The following HSF5 variants were observed in gnomAD, a reference collection of about 807,000 sequenced individuals.
HSF5 encodes the protein heat shock transcription factor 5.
Under a neutral mutation model 50.8 loss-of-function variants are expected in HSF5, and 5 were observed. The observed-to-expected ratio is 0.10, with a 90% CI of 0.05 to 0.21. The LOEUF is 0.21. Among genes scored for constraint, HSF5 ranks in the 10% least tolerant of loss-of-function variants. The pLI, the probability that HSF5 is intolerant of heterozygous loss-of-function variation, is 1.00. For missense variants in HSF5, 564 were observed against 762.6 expected (o/e 0.74, Z 3.07); for synonymous variants, 307 against 307.4 (o/e 1.00, Z 0.02).
chr17:58,485,798 G>A (rs966900107), intron 1 of HSF5, among the ~76,000 whole-genome samples: 2 of 150,748 alleles, frequency 1.3e-5, no homozygotes, highest in African/African-American at 4.9e-5. Context: ...CATGTGAAGT[G>A]GCTCACACCT....
intron 1 of HSF5, among the ~76,000 whole-genome samples, chr17:58,485,515 G>C (rs1267446002): frequency 6.6e-6 from 1 of 152,014 alleles, no homozygotes; most frequent in East Asian, 2.0e-4. Context: ...CAGAGGCCAA[G>C]GTGGGCAGAT....
At chr17:58,466,660 T>C (rs899208288) in intron 3 of HSF5, among the ~76,000 whole-genome samples, 3 of 152,238 alleles carry the variant, frequency 2.0e-5, no homozygotes, top group African/African-American at 7.2e-5. Flanking sequence ...AATAGCCACA[T>C]GTGGCTAGTG....
rs781524958 is a variant in HSF5 at position 58,480,029 on chromosome 17, A to G, written c.789T>C (p.Thr263=). ...TGGGCTGCAGTGTATAGGTAACCTC[A>G]GTTGGAAACCTCTGGAGTACAGGAA... The part of the protein sequence containing the change: ...VPFPVLQRFP[T]EVTYTLQPST... Residue 263 remains threonine (T), a synonymous_variant, in exon 2 of 6, where the codon ACT becomes ACC. Transcript: ENST00000323777. 1.9e-6 allele frequency: 3 copies of G among 1,614,170 alleles called. No homozygotes were observed. The South Asian group carries it at 3.3e-5, about 18-fold the overall frequency.
rs59043902 is a variant in HSF5, at chr17:58,433,911, A to AT, written c.1721-11482dup. The stretch of plus-strand genomic sequence containing the variant: ...GAGGTATGAAGGAAAGGTCAAAGGG[A>AT]TTTTTTTTTTTTTTTTTTTTAGATG... On this transcript the variant is annotated intron_variant, in intron 5 of 5. Coordinates refer to ENST00000323777, the MANE Select transcript of HSF5 (RefSeq NM_001080439.3). Among the ~76,000 whole-genome samples, 360 of 109,334 alleles carry AT rather than the reference A, an allele frequency of 3.3e-3. 15 individuals carry two copies. In the East Asian group the frequency reaches 0.058, roughly 18 times the overall value. 71.7% of individuals were successfully genotyped at this position (109,334 alleles called of 152,430 possible). A position where few individuals can be genotyped will look rare whatever the true frequency, so the allele number is the denominator to read the frequency against.
At chr17:58,445,711 T>C (rs1055074094) in intron 5 of HSF5, among the ~76,000 whole-genome samples, 3 of 152,132 alleles carry the variant, frequency 2.0e-5, no homozygotes, top group Non-Finnish European at 4.4e-5. Flanking sequence ...TGGTGGTTAC[T>C]AGGAGCCAGG....
intron 5 of HSF5, among the ~76,000 whole-genome samples, chr17:58,455,198 C>G (rs1178132933): frequency 2.0e-5 from 3 of 152,054 alleles, no homozygotes; most frequent in Admixed American, 1.3e-4. Flanking sequence ...AACTGATTTT[C>G]AAAAGTTGCC....
intron 1 of HSF5, 47 bp downstream of exon 1, chr17:58,487,678 C>T (rs1975206054): frequency 7.4e-7 from 1 of 1,357,166 alleles, no homozygotes; most frequent in Non-Finnish European, 9.4e-7. Context: ...TGCTCCCCGC[C>T]GCCCATGTGC....
At chr17:58,476,091 T>G (rs1164994069) in intron 2 of HSF5, 4 of 734,028 alleles carry the variant, frequency 5.4e-6, no homozygotes, top group South Asian at 2.0e-5. Flanking sequence ...CTGGAGAAAA[T>G]TTTTAAAAAG....
At chr17:58,435,652 C>T (rs909461120) in intron 5 of HSF5, among the ~76,000 whole-genome samples, 4 of 152,058 alleles carry the variant, frequency 2.6e-5, no homozygotes, top group East Asian at 3.9e-4. Context: ...GTGGCTCATG[C>T]CTGTAATCCC....
rs561579690 is a variant in HSF5 at position 58,452,752 on chromosome 17, C to G, written c.1720+6016G>C. 1.7e-4 allele frequency among the ~76,000 whole-genome samples: 26 copies of G among 152,382 alleles called. No individual in the cohort carries two copies. The South Asian group carries it at 4.8e-3, about 28-fold the overall frequency. ...CGATGTGAGGAGCACCTCTGCCTGG[C>G]CTCCACGCCACCCTCCAGGTGTGAA... On this transcript the variant is annotated intron_variant, in intron 5 of 5. Coordinates refer to ENST00000323777, the MANE Select transcript of HSF5 (RefSeq NM_001080439.3).
chr17:58,427,797 A>C (rs1974314744), intron 5 of HSF5, among the ~76,000 whole-genome samples: 1 of 152,246 alleles, frequency 6.6e-6, no homozygotes, highest in Non-Finnish European at 1.5e-5. Context: ...TCTGCCCATC[A>C]ATGATCAGGG....
intron 5 of HSF5, among the ~76,000 whole-genome samples, chr17:58,431,118 C>A (rs760101349): frequency 1.3e-5 from 2 of 152,214 alleles, no homozygotes; most frequent in Non-Finnish European, 2.9e-5. Context: ...AAGCTCTCTT[C>A]TCTTGTCTGT....
At chr17:58,482,573 G>C (rs1248248351) in intron 1 of HSF5, among the ~76,000 whole-genome samples, 3 of 151,766 alleles carry the variant, frequency 2.0e-5, no homozygotes, top group Non-Finnish European at 2.9e-5. Flanking sequence ...GCTGGGCTTG[G>C]TGGCACACAC....
Position 58,462,766 on chromosome 17 carries a change from T to C in HSF5, c.1542+16A>G. 6.4e-7 allele frequency: 1 copy of C among 1,562,876 alleles called. No individual in the cohort carries two copies. Among genetic ancestry groups the C allele is most frequent in the Non-Finnish European group, 8.6e-7 (1 of 1,158,720 alleles). On this transcript the variant is annotated intron_variant, in intron 4 of 5. Transcript: ENST00000323777. Reference sequence around the variant, plus strand: ...TACTTTGAGCTTTATAAGCATTTTTTTCTTTGCCCCCTTACCTGGTGTGTG... The same window carrying C: ...TACTTTGAGCTTTATAAGCATTTTTCTCTTTGCCCCCTTACCTGGTGTGTG...
At chr17:58,422,475 G>A (rs1168779947) in intron 5 of HSF5, 45 bp from the exon 6 acceptor site, 9 of 1,494,616 alleles carry the variant, frequency 6.0e-6, no homozygotes, top group Non-Finnish European at 8.3e-6. Flanking sequence ...TCTCTGTAGA[G>A]TTCTATAGAC....
At chr17:58,452,913 T>C (rs962226681) in intron 5 of HSF5, among the ~76,000 whole-genome samples, 7 of 152,074 alleles carry the variant, frequency 4.6e-5, no homozygotes, top group African/African-American at 1.7e-4. Context: ...TGCATGCCTG[T>C]GGTCCCAGCT....
chr17:58,487,748 G>A lies in HSF5; in HGVS notation c.527C>T (p.Ala176Val). The A allele has an allele frequency of 7.2e-7, 1 of 1,381,382 alleles. No individual in the cohort carries two copies. The highest frequency in any genetic ancestry group is 9.3e-7 in the Non-Finnish European group (1 of 1,079,936). The allele number at this position is 1,381,382 out of a possible 1,614,324, so 85.6% of individuals were successfully genotyped here. ...ACCGTGCGGCTCGGGCCGGGGCCCCGCGGGCGGCGGCGGCTGCTGGTGCTG... is the reference window on the plus strand; with the variant it reads ...ACCGTGCGGCTCGGGCCGGGGCCCCACGGGCGGCGGCGGCTGCTGGTGCTG... ...PLQHQQPPPPAGPRPEPHGPV... is the reference protein window; with the variant it reads ...PLQHQQPPPPVGPRPEPHGPV... Residue 176 changes from alanine to valine, a missense_variant, in exon 1 of 6, where the codon GCG (alanine) becomes GTG (valine). By Grantham distance (64) the Ala-to-Val change is moderately conservative. Coordinates refer to ENST00000323777, the MANE Select transcript of HSF5 (RefSeq NM_001080439.3).
At chr17:58,460,257 G>C (rs537903752) in intron 4 of HSF5, among the ~76,000 whole-genome samples, 36 of 151,722 alleles carry the variant, frequency 2.4e-4, no homozygotes, top group African/African-American at 8.5e-4. Context: ...GGGTTCAAGC[G>C]ATCCTCCCAC....
chr17:58,449,368 T>C (rs1366374792), intron 5 of HSF5, among the ~76,000 whole-genome samples: 1 of 152,214 alleles, frequency 6.6e-6, no homozygotes, highest in African/African-American at 2.4e-5. Flanking sequence ...GACCCAACTA[T>C]ATGCTACCTA....
Sources: allele counts gnomAD v4.1 joint callset (sites outside exome capture counted in the v4.1 genomes callset), GRCh38; gene constraint gnomAD v4.1.1; transcripts MANE v1.5; gene names NCBI Gene and HGNC (gene_info 2026-07-23, HGNC 2026-07-21).